Variants in GPC5 observed in about 807,000 individuals in gnomAD.
GPC5 encodes the protein glypican-5.
A neutral mutation model predicts 53.9 loss-of-function variants in GPC5; 47 were observed. The observed-to-expected ratio is 0.87, with a 90% CI of 0.69 to 1.11. The LOEUF is 1.11. Ranked by LOEUF, GPC5 falls within the 50% of genes most tolerant of loss-of-function variation. The pLI is 0.00. For missense variants in GPC5, 748 were observed against 713.1 expected, an observed-to-expected ratio of 1.05 and a Z score of -0.56; for synonymous variants, 286 against 263.3, an observed-to-expected ratio of 1.09 and a Z score of -0.84.
At chr13:92,002,235 A>G (rs1594716991) in intron 6 of GPC5, among the ~76,000 whole-genome samples, 1 of 152,108 alleles carries the variant, frequency 6.6e-6, no homozygotes, top group African/African-American at 2.4e-5. Context: ...GAATGCTTCT[A>G]TACAGGGAGA....
intron 2 of GPC5, among the ~76,000 whole-genome samples, chr13:91,684,763 T>C (rs1033598863): frequency 6.6e-6 from 1 of 152,214 alleles, no homozygotes; most frequent in Admixed American, 6.5e-5. Context: ...ACATTTCTCC[T>C]ATGTTGAAAA....
At chr13:92,003,612 T>G (rs1278342170) in intron 6 of GPC5, among the ~76,000 whole-genome samples, 1 of 152,220 alleles carries the variant, frequency 6.6e-6, no homozygotes, top group Non-Finnish European at 1.5e-5. Context: ...TGAACACATT[T>G]ACAAATTTGT....
At chr13:92,023,329 A>G (rs923934656) in intron 6 of GPC5, among the ~76,000 whole-genome samples, 1 of 152,084 alleles carries the variant, frequency 6.6e-6, no homozygotes, top group Non-Finnish European at 1.5e-5. Context: ...TAATTTTTCC[A>G]AGTAAAATTT....
chr13:92,181,026 AAAAC>A (rs138947826), intron 7 of GPC5: 2,298 of 152,782 alleles, frequency 0.015, 53 homozygotes, highest in African/African-American at 0.051. Context: ...ACCAGTTGCC[AAAAC>A]AAACAAACAA....
intron 5 of GPC5, among the ~76,000 whole-genome samples, chr13:91,868,328 A>T (rs992107097): frequency 6.6e-6 from 1 of 152,196 alleles, no homozygotes; most frequent in Non-Finnish European, 1.5e-5. Flanking sequence ...CATAAAGATT[A>T]TTGGAGACTT....
At chr13:92,170,969 A>AAT (rs1249076034) in intron 7 of GPC5, among the ~76,000 whole-genome samples, 1 of 152,154 alleles carries the variant, frequency 6.6e-6, no homozygotes, top group African/African-American at 2.4e-5. Context: ...TATGGGACTT[A>AAT]ATATTAAGTC....
chr13:92,186,741 A>G (rs2042186688), intron 7 of GPC5, among the ~76,000 whole-genome samples: 1 of 152,178 alleles, frequency 6.6e-6, no homozygotes. Flanking sequence ...CATGTGTAAT[A>G]CAGTGTCTCA....
intron 7 of GPC5, among the ~76,000 whole-genome samples, chr13:92,593,222 A>G (rs1016738659): frequency 5.3e-5 from 8 of 151,246 alleles, no homozygotes; most frequent in African/African-American, 1.9e-4. Context: ...GGGAGACATA[A>G]GGAGAAAAGA....
At chr13:92,285,390 C>A (rs2042946782) in intron 7 of GPC5, among the ~76,000 whole-genome samples, 1 of 152,188 alleles carries the variant, frequency 6.6e-6, no homozygotes, top group Admixed American at 6.5e-5. Flanking sequence ...GAAAAAACTA[C>A]TTTAAAGTTC....
intron 2 of GPC5, among the ~76,000 whole-genome samples, chr13:91,552,038 G>T (rs2030670627): frequency 6.6e-6 from 1 of 152,016 alleles, no homozygotes. Flanking sequence ...GTGAATTTCA[G>T]AATCTAATTT....
Position 91,924,508 on chromosome 13 carries a change from T to G in GPC5, c.1401+16451T>G, listed in dbSNP as rs191866306. Reference sequence around the variant, plus strand: ...GGGAGGCCGAGGCTGGCAGATTGCTTGAGCCCAGGAGTTTGAGACCAGCCT... The same window carrying G: ...GGGAGGCCGAGGCTGGCAGATTGCTGGAGCCCAGGAGTTTGAGACCAGCCT... On this transcript the variant is annotated intron_variant, in intron 6 of 7. Transcript: ENST00000377067. Among the ~76,000 whole-genome samples, 550 of 152,180 alleles carry G rather than the reference T, an allele frequency of 3.6e-3. 4 individuals are homozygous for G. The highest frequency in any genetic ancestry group is 0.013 in the African/African-American group (520 of 41,520).
At chr13:92,261,230 T>C (rs2042764878) in intron 7 of GPC5, among the ~76,000 whole-genome samples, 1 of 152,188 alleles carries the variant, frequency 6.6e-6, no homozygotes, top group Non-Finnish European at 1.5e-5. Flanking sequence ...TGTGATTTTT[T>C]GTTCTTTTTC....
At chr13:91,480,328 C>G (rs1883231527) in intron 2 of GPC5, among the ~76,000 whole-genome samples, 1 of 152,182 alleles carries the variant, frequency 6.6e-6, no homozygotes, top group Non-Finnish European at 1.5e-5. Context: ...GAAGACCAAT[C>G]AATTAATTTT....
chr13:91,568,948 A>G (rs746479368), intron 2 of GPC5, among the ~76,000 whole-genome samples: 1 of 151,964 alleles, frequency 6.6e-6, no homozygotes, highest in Non-Finnish European at 1.5e-5. Flanking sequence ...ACAGGGTTTT[A>G]CCATGCTGGC....
At chr13:92,328,307 A>T (rs1424065991) in intron 7 of GPC5, among the ~76,000 whole-genome samples, 2 of 152,158 alleles carry the variant, frequency 1.3e-5, no homozygotes, top group Non-Finnish European at 2.9e-5. Flanking sequence ...ACTGCAAAAC[A>T]CAAATATACA....
chr13:92,135,283 G>C (rs1322345539), intron 6 of GPC5, among the ~76,000 whole-genome samples: 1 of 152,038 alleles, frequency 6.6e-6, no homozygotes, highest in Non-Finnish European at 1.5e-5. Flanking sequence ...TGTTTCACAA[G>C]AGCCATTTCA....
chr13:91,807,310 C>A (rs1293636359), intron 5 of GPC5, among the ~76,000 whole-genome samples: 1 of 152,030 alleles, frequency 6.6e-6, no homozygotes, highest in Non-Finnish European at 1.5e-5. Context: ...TAAATTACCA[C>A]AAAAATTTTG....
chr13:92,780,489 T>C (rs920053445), intron 7 of GPC5, among the ~76,000 whole-genome samples: 19 of 152,148 alleles, frequency 1.2e-4, no homozygotes, highest in African/African-American at 2.9e-4. Flanking sequence ...TGATAATTTC[T>C]AGTTTACTTT....
At chr13:91,416,806 A>G (rs909903989) in intron 1 of GPC5, among the ~76,000 whole-genome samples, 2 of 152,162 alleles carry the variant, frequency 1.3e-5, no homozygotes, top group African/African-American at 4.8e-5. Context: ...GCTGCATAGT[A>G]TTCCATGGTG....
Sources: allele counts gnomAD v4.1 joint callset (sites outside exome capture counted in the v4.1 genomes callset), GRCh38; gene constraint gnomAD v4.1.1; transcripts MANE v1.5; gene names NCBI Gene and HGNC (gene_info 2026-07-23, HGNC 2026-07-21).